PPP1R42: variants seen among roughly 807,000 people sequenced by gnomAD.
The protein encoded by PPP1R42 is leucine rich repeat containing 67.
PPP1R42 carries 34 observed loss-of-function variants against 31.0 expected under a neutral mutation model. The observed-to-expected ratio is 1.10, with a 90% CI of 0.83 to 1.46. The LOEUF (loss-of-function observed/expected upper bound fraction) is 1.46. Among genes scored for constraint, PPP1R42 ranks in the 40% most tolerant of loss-of-function variants. The pLI, the probability that PPP1R42 is intolerant of heterozygous loss-of-function variation, is 0.00. For synonymous variants in PPP1R42, 103 were observed against 109.8 expected, an observed-to-expected ratio of 0.94 and a Z score of 0.39; for missense variants, 268 against 303.0, an observed-to-expected ratio of 0.88 and a Z score of 0.86.
At chr8:67,015,090 C>T (rs1348302814) in intron 2 of PPP1R42, among the ~76,000 whole-genome samples, 1 of 152,112 alleles carries the variant, frequency 6.6e-6, no homozygotes, top group Non-Finnish European at 1.5e-5. Flanking sequence ...GCCATCTCGG[C>T]TCACCATAAC....
At chr8:67,010,512 G>A (rs1815810347) in intron 5 of PPP1R42, 1 of 486,348 alleles carries the variant, frequency 2.1e-6, no homozygotes, top group Non-Finnish European at 3.6e-6. Flanking sequence ...AGGGATACAG[G>A]TATTGGAGTA....
Position 67,010,720 on chromosome 8 carries a change from C to A in PPP1R42, c.547G>T (p.Val183Leu). 6.3e-7 allele frequency: 1 copy of A among 1,576,058 alleles called. No individual in the cohort carries two copies. Among genetic ancestry groups the A allele is most frequent in the Non-Finnish European group, 8.7e-7 (1 of 1,153,732 alleles). The change falls in exon 5 of 8, where the codon GTG becomes TTG. Residue 183 changes from valine to leucine, a missense_variant. Physicochemically the swap from Val to Leu is conservative, Grantham distance 32 (BLOSUM62 1). Coordinates refer to ENST00000685739, the MANE Select transcript of PPP1R42 (RefSeq NM_001364910.1). ...TTAATTTCTCTTTACACTACCTTCACATGCAGAAGTTGGTTGTCAACGGCT... is the reference window on the plus strand; with the variant it reads ...TTAATTTCTCTTTACACTACCTTCAAATGCAGAAGTTGGTTGTCAACGGCT... The part of the protein sequence containing the change: ...LIAVDNQLLH[V>L]KDLEFLLNKL...
At chr8:67,002,866 AT>A (rs1316818853) in intron 5 of PPP1R42, among the ~76,000 whole-genome samples, 1 of 150,514 alleles carries the variant, frequency 6.6e-6, no homozygotes, top group Non-Finnish European at 1.5e-5. Flanking sequence ...TTTTAGAAAT[AT>A]TTTTAGTCAG....
intron 4 of PPP1R42, among the ~76,000 whole-genome samples, chr8:67,011,496 G>C (rs868530050): frequency 6.6e-6 from 1 of 152,312 alleles, no homozygotes; most frequent in South Asian, 2.1e-4. Flanking sequence ...CTGGGCGACA[G>C]AACAAAACTC....
chr8:67,028,374 G>A (rs760853958), intron 1 of PPP1R42, 117 bp downstream of exon 1: 57 of 428,252 alleles, frequency 1.3e-4, no homozygotes, highest in Non-Finnish European at 1.6e-4. Context: ...CTAAAGATAG[G>A]GCCCAAGGAT....
rs375126694 is a variant in PPP1R42, at chr8:67,006,902, C to T, written c.552+3813G>A. On this transcript the variant is annotated intron_variant, in intron 5 of 7. Coordinates refer to ENST00000685739, the MANE Select transcript of PPP1R42 (RefSeq NM_001364910.1). Reference sequence around the variant, plus strand: ...GCTGGGACTACAGGCGCCCACACACCCGGCTAATTTTTTTGTATTTTTAGT... The same window carrying T: ...GCTGGGACTACAGGCGCCCACACACTCGGCTAATTTTTTTGTATTTTTAGT... Among the ~76,000 whole-genome samples the T allele has an allele frequency of 4.9e-4, 74 of 151,726 alleles. 1 individual carries two copies. The highest frequency in any genetic ancestry group is 3.4e-3 in the Middle Eastern group (1 of 292).
chr8:66,968,496 C>T (rs1285994638), intron 7 of PPP1R42: 5 of 984,810 alleles, frequency 5.1e-6, no homozygotes, highest in Non-Finnish European at 6.0e-6. Flanking sequence ...AGGGACACGT[C>T]TGCTGATGCC....
At chr8:66,973,503 G>C (rs1426953177) in intron 7 of PPP1R42, among the ~76,000 whole-genome samples, 2 of 151,820 alleles carry the variant, frequency 1.3e-5, no homozygotes, top group African/African-American at 4.8e-5. Flanking sequence ...ACAGGGTTTC[G>C]CCATATTGGC....
chr8:67,005,197 C>T (rs1410475464), intron 5 of PPP1R42, among the ~76,000 whole-genome samples: 1 of 151,316 alleles, frequency 6.6e-6, no homozygotes, highest in Non-Finnish European at 1.5e-5. Flanking sequence ...TAAACTGGTC[C>T]CCTCTAACTT....
intron 6 of PPP1R42, chr8:66,985,491 C>G: frequency 9.1e-7 from 1 of 1,095,322 alleles, no homozygotes. Flanking sequence ...GGTCTTTTAA[C>G]TCCCCCTTTG....
intron 6 of PPP1R42, 63 bp downstream of exon 6, chr8:66,988,337 A>G: frequency 7.7e-7 from 1 of 1,295,728 alleles, no homozygotes; most frequent in Non-Finnish European, 9.8e-7. Flanking sequence ...GCTTGCTGGT[A>G]AAATAACCAA....
chr8:67,006,856 C>G (rs1459311063), intron 5 of PPP1R42, among the ~76,000 whole-genome samples: 1 of 149,760 alleles, frequency 6.7e-6, no homozygotes, highest in Non-Finnish European at 1.5e-5. Flanking sequence ...ACACCATTCT[C>G]CTGCCTCAGC....
chr8:67,007,176 C>A (rs886980881), intron 5 of PPP1R42, among the ~76,000 whole-genome samples: 2 of 151,900 alleles, frequency 1.3e-5, no homozygotes, highest in African/African-American at 4.8e-5. Flanking sequence ...CTGTGCCTGG[C>A]CGAGGGTAGA....
intron 1 of PPP1R42, chr8:67,021,148 A>G (rs1170041080): frequency 6.6e-6 from 1 of 152,212 alleles, no homozygotes; most frequent in Non-Finnish European, 1.5e-5. Context: ...AATTTAACCA[A>G]TAAAATACCT....
chr8:66,989,468 T>G (rs964385334), intron 5 of PPP1R42, among the ~76,000 whole-genome samples: 5 of 152,252 alleles, frequency 3.3e-5, no homozygotes, highest in African/African-American at 4.8e-5. Context: ...GATAATGAAG[T>G]ACACTTTGAG....
At chr8:66,976,822 C>A (rs1158827234) in intron 7 of PPP1R42, among the ~76,000 whole-genome samples, 1 of 152,070 alleles carries the variant, frequency 6.6e-6, no homozygotes, top group Non-Finnish European at 1.5e-5. Flanking sequence ...ACACTTAGGG[C>A]AATTCTGTAT....
At chr8:67,010,952 C>T in intron 4 of PPP1R42, 121 bp from the exon 5 acceptor site, 1 of 820,436 alleles carries the variant, frequency 1.2e-6, no homozygotes, top group Non-Finnish European at 1.7e-6. Flanking sequence ...GTTCTTTAGG[C>T]AAAAACATCA....
intron 5 of PPP1R42, among the ~76,000 whole-genome samples, chr8:66,990,316 G>A (rs1815153619): frequency 1.3e-5 from 2 of 152,230 alleles, no homozygotes; most frequent in South Asian, 4.1e-4. Context: ...GATAAAGAGT[G>A]CTTAGAGTTT....
At chr8:67,018,825 C>CT (rs1554542360) in intron 1 of PPP1R42, among the ~76,000 whole-genome samples, 18 of 48,388 alleles carry the variant, frequency 3.7e-4, no homozygotes, top group African/African-American at 5.1e-4. Flanking sequence ...CCCCCCCCCC[C>CT]TTTTTTTTTT....
Sources: allele counts gnomAD v4.1 joint callset (sites outside exome capture counted in the v4.1 genomes callset), GRCh38; gene constraint gnomAD v4.1.1; transcripts MANE v1.5; gene names NCBI Gene and HGNC (gene_info 2026-07-23, HGNC 2026-07-21).